The following CD109 variants were observed in gnomAD, a reference collection of about 807,000 sequenced individuals.
CD109 encodes CD109 molecule.
CD109 carries 149 observed loss-of-function variants against 165.8 expected under a neutral mutation model. The observed-to-expected ratio is 0.90, with a 90% CI of 0.79 to 1.03. The LOEUF is 1.03. Ranked by LOEUF, CD109 falls within the 50% of genes least tolerant of loss-of-function variation. The pLI is 0.00. For synonymous variants in CD109, 585 were observed against 592.1 expected (o/e 0.99, Z 0.18); for missense variants, 1,712 against 1,677.8 (o/e 1.02, Z -0.36).
chr6:73,725,826 T>C (rs998050176), intron 3 of CD109, among the ~76,000 whole-genome samples: 3 of 152,238 alleles, frequency 2.0e-5, no homozygotes, highest in African/African-American at 7.2e-5. Context: ...TATACTTCTT[T>C]TAAGTCTTAA....
Position 73,803,217 on chromosome 6 carries a change from T to G in CD109, c.2879-3T>G. ...TTGACTATCTGTCTATTTTTGTGTC[T>G]AGGTTACCAGAGAGAACTTCTCTAT... On this transcript the variant is annotated splice_polypyrimidine_tract_variant and splice_region_variant and intron_variant, in intron 23 of 32. Transcript: ENST00000287097. 1 of 1,606,450 alleles carries G rather than the reference T, an allele frequency of 6.2e-7. No homozygotes were observed. The highest frequency in any genetic ancestry group is 1.7e-5 in the Admixed American group (1 of 59,802).
chr6:73,728,921 A>C (rs1176051057), intron 3 of CD109, among the ~76,000 whole-genome samples: 2 of 152,252 alleles, frequency 1.3e-5, no homozygotes, highest in African/African-American at 2.4e-5. Flanking sequence ...GTGGGTGAAG[A>C]ATTGGGAACA....
Position 73,780,427 on chromosome 6 carries a change from G to A in CD109, c.1831G>A (p.Val611Ile). Residue 611 changes from valine (V) to isoleucine (I), a missense_variant, in exon 16 of 33, where the codon GTC (valine) becomes ATC (isoleucine). Coordinates refer to ENST00000287097, the MANE Select transcript of CD109 (RefSeq NM_133493.5). ...ASNDITMENV[V>I]HELELYNTGY... ...GTATATTTTATCTTCTCCTTAGGTG[G>A]TCCATGAGTTGGAACTTTATAACAC... 1 of 1,586,168 alleles carries A rather than the reference G, an allele frequency of 6.3e-7. No homozygotes were observed.
At chr6:73,780,856 T>A (rs1326853466) in intron 16 of CD109, among the ~76,000 whole-genome samples, 1 of 147,882 alleles carries the variant, frequency 6.8e-6, no homozygotes, top group East Asian at 1.9e-4. Context: ...TAAATATATT[T>A]TATATATATT....
chr6:73,701,872 G>C (rs1017490323), intron 2 of CD109, among the ~76,000 whole-genome samples: 2 of 152,110 alleles, frequency 1.3e-5, no homozygotes, highest in Non-Finnish European at 2.9e-5. Context: ...CTTGAGCCCA[G>C]GAGTTTGAGA....
At chr6:73,687,576 T>C in the CD109 span, among the ~76,000 whole-genome samples, 2 of 151,112 alleles carry the variant, frequency 1.3e-5, no homozygotes, top group Non-Finnish European at 2.9e-5. Flanking sequence ...TTTTGGCAAA[T>C]TTTGCTAACT....
chr6:73,717,453 C>T (rs1474867625), intron 2 of CD109, among the ~76,000 whole-genome samples: 1 of 151,768 alleles, frequency 6.6e-6, no homozygotes, highest in African/African-American at 2.4e-5. Flanking sequence ...CAATTTTTTT[C>T]ATCAGTGTTT....
intron 7 of CD109, among the ~76,000 whole-genome samples, chr6:73,759,531 C>G (rs1239491258): frequency 6.6e-6 from 1 of 152,064 alleles, no homozygotes; most frequent in Non-Finnish European, 1.5e-5. Context: ...TTAACTTATC[C>G]CAAATGCTTC....
At chr6:73,756,805 T>G in intron 6 of CD109, 123 bp downstream of exon 6, 1 of 608,818 alleles carries the variant, frequency 1.6e-6, no homozygotes, top group South Asian at 3.2e-5. Flanking sequence ...AATTCTGGTG[T>G]TTTTTAAAGG....
chr6:73,732,622 G>C (rs1428054513), intron 4 of CD109, among the ~76,000 whole-genome samples: 1 of 152,130 alleles, frequency 6.6e-6, no homozygotes, highest in East Asian at 1.9e-4. Flanking sequence ...GCTATCTCTG[G>C]GTGTTTACAT....
chr6:73,803,410 G>T lies in CD109; in HGVS notation c.2960+109G>T, dbSNP rs528443450. The T allele has an allele frequency of 7.9e-5, 57 of 722,566 alleles. No individual in the cohort carries two copies. In the East Asian group the frequency reaches 1.5e-3, roughly 19 times the overall value. 44.8% of individuals were successfully genotyped at this position (722,566 alleles called of 1,614,324 possible). A position where few individuals can be genotyped will look rare whatever the true frequency, so the allele number is the denominator to read the frequency against. ...ATCTCTATATATTATAGACTGGGAG[G>T]TTGCTTTTTCCTTAGTCTGGCTTTA... On this transcript the variant is annotated intron_variant, in intron 24 of 32. Transcript: ENST00000287097.
chr6:73,723,130 C>T lies in CD109; in HGVS notation c.248-121C>T. 3.8e-6 allele frequency: 6 copies of T among 1,560,526 alleles called. No homozygotes were observed. In the South Asian group the frequency reaches 7.5e-5, roughly 19 times the overall value. On this transcript the variant is annotated intron_variant, in intron 2 of 32. Transcript: ENST00000287097. Reference sequence around the variant, plus strand: ...GCATTTAAATGTCATTTTGGTTTCACCAAATGTATTTATGATTCCACCTAC... The same window carrying T: ...GCATTTAAATGTCATTTTGGTTTCATCAAATGTATTTATGATTCCACCTAC...
At chr6:73,717,868 C>T (rs1038389313) in intron 2 of CD109, among the ~76,000 whole-genome samples, 3 of 151,852 alleles carry the variant, frequency 2.0e-5, no homozygotes, top group Non-Finnish European at 4.4e-5. Context: ...ATCCGCCCAC[C>T]TCGGCCTCCC....
At chr6:73,791,447 C>G (rs9447027) in intron 22 of CD109, among the ~76,000 whole-genome samples, 58,129 of 150,750 alleles carry the variant, frequency 0.39, 11,509 homozygotes, top group African/African-American at 0.47. Context: ...GATGCTGGGA[C>G]ATGCACTACA....
intron 3 of CD109, among the ~76,000 whole-genome samples, chr6:73,728,529 C>G (rs530554379): frequency 3.2e-4 from 49 of 152,344 alleles, no homozygotes; most frequent in African/African-American, 1.2e-3. Flanking sequence ...TATCATACAT[C>G]TATCCATCTA....
chr6:73,767,809 T>C (rs1348901916), intron 13 of CD109, among the ~76,000 whole-genome samples: 1 of 152,220 alleles, frequency 6.6e-6, no homozygotes, highest in Non-Finnish European at 1.5e-5. Context: ...TTCCTTGCAA[T>C]CAAAAATAGA....
At chr6:73,765,591 G>T (rs540027336) in intron 10 of CD109, among the ~76,000 whole-genome samples, 3 of 152,206 alleles carry the variant, frequency 2.0e-5, no homozygotes, top group Admixed American at 2.0e-4. Flanking sequence ...CAATAGGATT[G>T]CTGAGACCTT....
chr6:73,733,221 A>G (rs934329429), intron 4 of CD109, among the ~76,000 whole-genome samples: 4 of 152,184 alleles, frequency 2.6e-5, no homozygotes, highest in Admixed American at 2.0e-4. Flanking sequence ...CTTAGCCTGA[A>G]CTGGAGCCCC....
chr6:73,825,692 C>T lies in CD109; in HGVS notation c.*2059C>T, dbSNP rs1776250385. The T allele has an allele frequency of 6.6e-6, 1 of 152,102 alleles. No homozygotes were observed. The highest frequency in any genetic ancestry group is 2.4e-5 in the African/African-American group (1 of 41,432). 9.4% of individuals were successfully genotyped at this position (152,102 alleles called of 1,614,324 possible). A position where few individuals can be genotyped will look rare whatever the true frequency, so the allele number is the denominator to read the frequency against. On this transcript the variant is annotated 3_prime_UTR_variant, in exon 33 of 33. Coordinates refer to ENST00000287097, the MANE Select transcript of CD109 (RefSeq NM_133493.5). ...TCCATGTTTTCAAGTTAAAGGTCAC[C>T]TCGTAGGCCAGGCGCAGTGGCTCAT...
Sources: allele counts gnomAD v4.1 joint callset (sites outside exome capture counted in the v4.1 genomes callset), GRCh38; gene constraint gnomAD v4.1.1; transcripts MANE v1.5; gene names NCBI Gene and HGNC (gene_info 2026-07-23, HGNC 2026-07-21).